The following CLYBL variants were observed in gnomAD, a reference collection of about 807,000 sequenced individuals.
The protein encoded by CLYBL is citramalyl-CoA lyase.
In CLYBL, 31 loss-of-function variants were observed where a neutral mutation model predicts 38.9. The observed-to-expected ratio is 0.80, with a 90% confidence interval of 0.60 to 1.08. CLYBL has a LOEUF of 1.08. Ranked by LOEUF, CLYBL falls within the 50% of genes least tolerant of loss-of-function variation. The probability of loss-of-function intolerance (pLI) is 0.00; values close to 1 mark genes in which losing one functional copy is unlikely to be tolerated. For missense variants in CLYBL, 434 were observed against 411.6 expected, an observed-to-expected ratio of 1.05 and a Z score of -0.47; for synonymous variants, 171 against 158.6, an observed-to-expected ratio of 1.08 and a Z score of -0.59.
chr13:99,751,783 C>T (rs2048963113), intron 1 of CLYBL, among the ~76,000 whole-genome samples: 1 of 152,148 alleles, frequency 6.6e-6, no homozygotes, highest in Admixed American at 6.5e-5. Context: ...TGTCACTGAA[C>T]TGTACACTTG....
chr13:99,850,334 T>C (rs2051301609), intron 2 of CLYBL, among the ~76,000 whole-genome samples: 1 of 152,156 alleles, frequency 6.6e-6, no homozygotes, highest in Non-Finnish European at 1.5e-5. Flanking sequence ...CAGGCCTGTT[T>C]AAAAGTGGGC....
chr13:99,658,478 TCTGA>T (rs938264476), intron 1 of CLYBL, among the ~76,000 whole-genome samples: 3 of 152,186 alleles, frequency 2.0e-5, no homozygotes, highest in African/African-American at 7.2e-5. Flanking sequence ...TGCCGGGGAC[TCTGA>T]CTGAGGCCTT....
chr13:99,798,323 G>A (rs761714323), intron 2 of CLYBL, among the ~76,000 whole-genome samples: 8 of 152,106 alleles, frequency 5.3e-5, no homozygotes, highest in Non-Finnish European at 1.0e-4. Flanking sequence ...GCTCTCTTTG[G>A]CCCATGGGAT....
chr13:99,676,186 G>GTCCTTCCT (rs35403713), intron 1 of CLYBL, among the ~76,000 whole-genome samples: 5,318 of 132,900 alleles, frequency 0.04, 173 homozygotes, highest in East Asian at 0.06. Flanking sequence ...CCCTCCGTCC[G>GTCCTTCCT]TCCTTCCTTC....
chr13:99,764,244 T>G (rs554231836), intron 1 of CLYBL, among the ~76,000 whole-genome samples: 51 of 151,998 alleles, frequency 3.4e-4, no homozygotes, highest in African/African-American at 1.1e-3. Flanking sequence ...TCTTTTCTTT[T>G]GGGTAGAGAC....
intron 1 of CLYBL, among the ~76,000 whole-genome samples, chr13:99,742,612 A>C (rs1358619450): frequency 6.6e-6 from 1 of 152,350 alleles, no homozygotes; most frequent in South Asian, 2.1e-4. Context: ...TAAGTAAATC[A>C]CTTTAGAAAT....
chr13:99,820,184 G>A (rs2050560302), intron 2 of CLYBL, among the ~76,000 whole-genome samples: 1 of 152,156 alleles, frequency 6.6e-6, no homozygotes, highest in Non-Finnish European at 1.5e-5. Flanking sequence ...CATGAGCTCA[G>A]AGGTCAAAGG....
chr13:99,725,846 AG>A (rs1174396301), intron 1 of CLYBL, among the ~76,000 whole-genome samples: 2 of 152,042 alleles, frequency 1.3e-5, no homozygotes, highest in Non-Finnish European at 2.9e-5. Flanking sequence ...TTGATGCAGG[AG>A]GGTCGGTTCT....
At chr13:99,720,177 T>C (rs2048373953) in intron 1 of CLYBL, among the ~76,000 whole-genome samples, 1 of 152,114 alleles carries the variant, frequency 6.6e-6, no homozygotes, top group South Asian at 2.1e-4. Flanking sequence ...TTAGAAATTA[T>C]ACATTCTATT....
In CLYBL at chr13:99,722,841, G is replaced by A. The variant is rs187209322; in HGVS notation, c.63-49983G>A. Among the ~76,000 whole-genome samples, 222 of 152,326 alleles carry A rather than the reference G, an allele frequency of 1.5e-3. 1 individual carries two copies. The highest frequency in any genetic ancestry group is 4.9e-3 in the African/African-American group (202 of 41,572). The stretch of plus-strand genomic sequence containing the variant: ...GGACTGACGACTGAGTTCCCATGCC[G>A]CTTGCTGGTGGCTTCACACAGCATC... On this transcript the variant is annotated intron_variant, in intron 1 of 8. Transcript: ENST00000339105.
chr13:99,760,586 C>G (rs1050509777), intron 1 of CLYBL, among the ~76,000 whole-genome samples: 1 of 152,224 alleles, frequency 6.6e-6, no homozygotes, highest in African/African-American at 2.4e-5. Context: ...TCCTAGCTGA[C>G]AGGTCTTTTC....
chr13:99,692,092 T>C (rs1322321676), intron 1 of CLYBL, among the ~76,000 whole-genome samples: 1 of 152,174 alleles, frequency 6.6e-6, no homozygotes, highest in East Asian at 1.9e-4. Flanking sequence ...TGATTTGTTT[T>C]CTTCACTCAT....
intron 2 of CLYBL, among the ~76,000 whole-genome samples, chr13:99,787,644 G>A (rs138423372): frequency 0.17 from 26,224 of 152,104 alleles, 2,957 homozygotes; most frequent in East Asian, 0.37. Flanking sequence ...GATACCTCCA[G>A]CTTTGTTCTT....
intron 1 of CLYBL, among the ~76,000 whole-genome samples, chr13:99,640,772 C>T (rs1370353932): frequency 1.3e-5 from 2 of 152,224 alleles, no homozygotes; most frequent in Non-Finnish European, 2.9e-5. Flanking sequence ...GGCAGTGCCC[C>T]TGCTCTTTTG....
chr13:99,875,331 T>G (rs766149852), intron 7 of CLYBL, among the ~76,000 whole-genome samples: 1 of 152,108 alleles, frequency 6.6e-6, no homozygotes, highest in Admixed American at 6.5e-5. Context: ...CATCTCTTAA[T>G]AAAGAAAGAA....
chr13:99,708,094 T>G (rs148096018), intron 1 of CLYBL, among the ~76,000 whole-genome samples: 1 of 152,310 alleles, frequency 6.6e-6, no homozygotes, highest in Non-Finnish European at 1.5e-5. Context: ...TTCTCCTGCC[T>G]CAGCCTCCCA....
At chr13:99,607,580 C>CA (rs113454698) in intron 1 of CLYBL, among the ~76,000 whole-genome samples, 41 of 152,258 alleles carry the variant, frequency 2.7e-4, no homozygotes, top group African/African-American at 8.9e-4. Flanking sequence ...TACATGGTCT[C>CA]ATTTGGTTCC....
Position 99,864,820 on chromosome 13 carries a change from A to AGT in CLYBL, c.549_550dup (p.Glu184ValfsTer5), listed in dbSNP as rs751646196. On this transcript the variant is annotated frameshift_variant, in exon 5 of 9. Transcript: ENST00000339105. LOFTEE classifies it high-confidence loss of function. ...AGTTCTGTTCTGCTCTTTTACAGGC[A>AGT]GTGTGTGAAGAAACCCTGAAGGTCG... 6.2e-7 allele frequency: 1 copy of AGT among 1,611,516 alleles called. No individual in the cohort carries two copies. Among genetic ancestry groups the AGT allele is most frequent in the Non-Finnish European group, 8.5e-7 (1 of 1,177,722 alleles).
rs965703858 is a variant in CLYBL, at chr13:99,882,421, G to A, written c.928-8897G>A. ...TATAATCTCAGCACTTTGGGAGGCC[G>A]CAGCAGGTGAATCACTTGAGATCAG... On this transcript the variant is annotated intron_variant, in intron 7 of 8. Transcript: ENST00000339105. 8.5e-5 allele frequency among the ~76,000 whole-genome samples: 13 copies of A among 152,234 alleles called. 1 individual carries two copies. The highest frequency in any genetic ancestry group is 3.9e-4 in the East Asian group (2 of 5,176).
Sources: allele counts gnomAD v4.1 joint callset (sites outside exome capture counted in the v4.1 genomes callset), GRCh38; gene constraint gnomAD v4.1.1; transcripts MANE v1.5; gene names NCBI Gene and HGNC (gene_info 2026-07-23, HGNC 2026-07-21).